Variants in ENAH observed in about 807,000 individuals in gnomAD.
The protein encoded by ENAH is ENAH actin regulator.
In ENAH, 23 loss-of-function variants were observed where a neutral mutation model predicts 78.7. The observed-to-expected ratio is 0.29, with a 90% CI of 0.21 to 0.41. The LOEUF (loss-of-function observed/expected upper bound fraction) is 0.41, where lower values mean the gene tolerates loss of function less well. Ranked by LOEUF, ENAH falls within the 10% of genes least tolerant of loss-of-function variation. ENAH has a pLI of 1.00. For synonymous variants in ENAH, 226 were observed against 241.0 expected (o/e 0.94, Z 0.58); for missense variants, 544 against 691.0 (o/e 0.79, Z 2.39).
At chr1:225,514,932 A>C (rs1403324997) in intron 6 of ENAH, 32 bp from the exon 7 acceptor site, 1 of 1,552,802 alleles carries the variant, frequency 6.4e-7, no homozygotes, top group Non-Finnish European at 8.9e-7. Context: ...TAAGACCATC[A>C]ACAATAGAGC....
intron 3 of ENAH, among the ~76,000 whole-genome samples, chr1:225,534,944 G>A (rs1008341260): frequency 3.9e-5 from 6 of 152,048 alleles, no homozygotes; most frequent in African/African-American, 1.4e-4. Flanking sequence ...GAGTGAGAGT[G>A]AAAGAAAACA....
intron 1 of ENAH, among the ~76,000 whole-genome samples, chr1:225,586,717 C>A (rs2096848819): frequency 6.6e-6 from 1 of 152,010 alleles, no homozygotes; most frequent in African/African-American, 2.4e-5. Context: ...AGGAGAAGAA[C>A]AACGTAATGC....
chr1:225,532,083 T>C (rs1486053582), intron 3 of ENAH, among the ~76,000 whole-genome samples: 4 of 152,078 alleles, frequency 2.6e-5, no homozygotes, highest in Non-Finnish European at 5.9e-5. Context: ...AATGTTTGTA[T>C]AAATGAAAAT....
chr1:225,639,498 C>A (rs988146415), intron 1 of ENAH, among the ~76,000 whole-genome samples: 1 of 151,992 alleles, frequency 6.6e-6, no homozygotes, highest in Admixed American at 6.6e-5. Context: ...AATTCAACCC[C>A]TTTTTTCTGT....
At chr1:225,505,980 GT>G (rs2096325456) in intron 11 of ENAH, among the ~76,000 whole-genome samples, 1 of 151,286 alleles carries the variant, frequency 6.6e-6, no homozygotes, top group Non-Finnish European at 1.5e-5. Context: ...AAATTTCCAA[GT>G]CTGAAAAAAA....
In ENAH at chr1:225,530,647, G is replaced by GGA. The variant is rs2096533324; in HGVS notation, c.350-11_350-10dup. 1 of 1,598,468 alleles carries GGA rather than the reference G, an allele frequency of 6.3e-7. No homozygotes were observed. Among genetic ancestry groups the GGA allele is most frequent in the South Asian group, 1.1e-5 (1 of 90,604 alleles). On this transcript the variant is annotated splice_polypyrimidine_tract_variant and intron_variant, in intron 3 of 13. Transcript: ENST00000366843. ...TCTAGGCAATGTTGGCCCTACAGAG[G>GGA]GAGAAAACATTACAGATGAACATTA...
At chr1:225,634,756 T>C (rs1470983457) in intron 1 of ENAH, among the ~76,000 whole-genome samples, 1 of 152,232 alleles carries the variant, frequency 6.6e-6, no homozygotes, top group Non-Finnish European at 1.5e-5. Flanking sequence ...TTCTATTCAC[T>C]GGTCTGTAGG....
At chr1:225,527,099 A>C (rs991843038) in intron 4 of ENAH, among the ~76,000 whole-genome samples, 1 of 152,230 alleles carries the variant, frequency 6.6e-6, no homozygotes, top group Non-Finnish European at 1.5e-5. Context: ...AAAGAAGCCA[A>C]GTTGGCCAAC....
chr1:225,549,335 A>G (rs1300106109), intron 3 of ENAH, among the ~76,000 whole-genome samples: 1 of 152,226 alleles, frequency 6.6e-6, no homozygotes, highest in Non-Finnish European at 1.5e-5. Flanking sequence ...CAAATGTGTT[A>G]TCTGCAGCAC....
At chr1:225,520,294 CAA>C (rs534721683) in intron 4 of ENAH, among the ~76,000 whole-genome samples, 17 of 99,216 alleles carry the variant, frequency 1.7e-4, no homozygotes, top group African/African-American at 1.2e-4. Flanking sequence ...GACTCCACCT[CAA>C]AAAAAAAAAA....
At chr1:225,590,613 G>C (rs1006156147) in intron 1 of ENAH, among the ~76,000 whole-genome samples, 1 of 151,802 alleles carries the variant, frequency 6.6e-6, no homozygotes, top group Non-Finnish European at 1.5e-5. Context: ...CCCTTTCCCA[G>C]ATGAAGGATA....
intron 8 of ENAH, 59 bp downstream of exon 8, chr1:225,512,812 T>C: frequency 6.2e-7 from 1 of 1,603,952 alleles, no homozygotes; most frequent in South Asian, 1.1e-5. Flanking sequence ...TAGTTGTATT[T>C]GGAATACAAT....
At chr1:225,563,222 T>C (rs1024074671) in intron 2 of ENAH, among the ~76,000 whole-genome samples, 3 of 152,216 alleles carry the variant, frequency 2.0e-5, no homozygotes, top group Non-Finnish European at 2.9e-5. Flanking sequence ...TGCAGACAAT[T>C]ACATCATTGG....
intron 1 of ENAH, among the ~76,000 whole-genome samples, chr1:225,638,372 T>A (rs1660431934): frequency 6.6e-6 from 1 of 152,162 alleles, no homozygotes; most frequent in Non-Finnish European, 1.5e-5. Context: ...TTGCCTAAGC[T>A]GGTCTTGAAC....
chr1:225,536,804 CAAAAT>C (rs2096564034), intron 3 of ENAH, among the ~76,000 whole-genome samples: 2 of 151,590 alleles, frequency 1.3e-5, no homozygotes, highest in African/African-American at 4.8e-5. Flanking sequence ...TTTGCAAACA[CAAAAT>C]AAGATTGATA....
chr1:225,592,494 G>A (rs767689549), intron 1 of ENAH, among the ~76,000 whole-genome samples: 3 of 152,262 alleles, frequency 2.0e-5, no homozygotes, highest in African/African-American at 2.4e-5. Context: ...CTGAGAATCC[G>A]CGATGTTTAG....
chr1:225,530,478 T>TA, intron 4 of ENAH, 76 bp downstream of exon 4: 2 of 1,193,674 alleles, frequency 1.7e-6, no homozygotes, highest in South Asian at 2.5e-5. Flanking sequence ...AGACATAATC[T>TA]ACTTTAAACA....
At chr1:225,651,901 A>G (rs1663087793) in intron 1 of ENAH, among the ~76,000 whole-genome samples, 1 of 152,254 alleles carries the variant, frequency 6.6e-6, no homozygotes, top group African/African-American at 2.4e-5. Context: ...TCAATTAAAA[A>G]AATATTTTAC....
intron 1 of ENAH, among the ~76,000 whole-genome samples, chr1:225,624,939 C>G (rs1657669025): frequency 6.6e-6 from 1 of 152,184 alleles, no homozygotes; most frequent in South Asian, 2.1e-4. Flanking sequence ...TATGTGCTCA[C>G]CTAACCTGGT....
Sources: gnomAD v4.1 joint callset for allele counts (sites outside exome capture counted in the v4.1 genomes callset) on GRCh38, gnomAD v4.1.1 for gene constraint, MANE v1.5 for transcripts, NCBI Gene and HGNC (gene_info 2026-07-23, HGNC 2026-07-21) for gene names.